The following NLRC5 variants were observed in gnomAD, a reference collection of about 807,000 sequenced individuals.
NLRC5 encodes the protein protein NLRC5.
NLRC5 carries 114 observed loss-of-function variants against 206.9 expected under a neutral mutation model. The ratio of observed to expected loss-of-function variants is 0.55; its 90% confidence interval spans 0.47 to 0.64. The LOEUF (loss-of-function observed/expected upper bound fraction) is 0.64. Among genes scored for constraint, NLRC5 ranks in the 30% least tolerant of loss-of-function variants. The pLI is 0.00. For missense variants in NLRC5, 2,008 were observed against 2,305.5 expected (o/e 0.87, Z 2.64); for synonymous variants, 952 against 962.8 (o/e 0.99, Z 0.21).
intron 32 of NLRC5, among the ~76,000 whole-genome samples, chr16:57,063,488 A>G (rs561451282): frequency 5.6e-4 from 86 of 152,244 alleles, no homozygotes; most frequent in African/African-American, 2.0e-3. Flanking sequence ...CTTATCCATC[A>G]ATTGACACTT....
chr16:57,037,322 C>T (rs199939331), intron 15 of NLRC5, 38 bp downstream of exon 15: 9 of 1,544,378 alleles, frequency 5.8e-6, no homozygotes, highest in African/African-American at 2.8e-5. Flanking sequence ...CATCCCCCCC[C>T]CCATCATGCT....
intron 1 of NLRC5, chr16:57,014,036 A>AAG (rs2059768859): frequency 3.1e-6 from 1 of 319,926 alleles, no homozygotes; most frequent in Non-Finnish European, 6.0e-6. Context: ...CTTTTCTTCT[A>AAG]AGCCTTCTTT....
Position 57,051,618 on chromosome 16 carries a change from T to C in NLRC5, c.3503T>C (p.Leu1168Pro). 1 of 1,613,130 alleles carries C rather than the reference T, an allele frequency of 6.2e-7. No homozygotes were observed. The highest frequency in any genetic ancestry group is 1.6e-4 in the Middle Eastern group (1 of 6,062). ...CLPQLPQLSL[L>P]QLSQTGLSPK... Reference sequence around the variant, plus strand: ...CCTCAACTCCCTCAGCTGAGCCTGCTGCAGTAAGACGAGAGTTTTTCCTAT... The same window carrying C: ...CCTCAACTCCCTCAGCTGAGCCTGCCGCAGTAAGACGAGAGTTTTTCCTAT... Residue 1168 changes from leucine (L) to proline (P), a missense_variant, in exon 24 of 49, where the codon CTG (leucine) becomes CCG (proline). By Grantham distance (98) the Leu-to-Pro change is moderately conservative. Coordinates refer to ENST00000688547, the MANE Select transcript of NLRC5 (RefSeq NM_001384950.1).
intron 15 of NLRC5, 30 bp downstream of exon 15, chr16:57,037,314 T>TCCC: frequency 6.6e-7 from 1 of 1,522,638 alleles, no homozygotes. Context: ...ACGGTACCCA[T>TCCC]CCCCCCCCCC....
At chr16:57,024,453 A>G (rs929975284) in intron 5 of NLRC5, among the ~76,000 whole-genome samples, 1 of 152,176 alleles carries the variant, frequency 6.6e-6, no homozygotes, top group African/African-American at 2.4e-5. Context: ...CATCCGCTCA[A>G]AATAGTTCAC....
intron 16 of NLRC5, among the ~76,000 whole-genome samples, chr16:57,040,381 T>A (rs1555527124): frequency 6.6e-6 from 1 of 152,124 alleles, no homozygotes; most frequent in Non-Finnish European, 1.5e-5. Flanking sequence ...GAGGATGAGA[T>A]TAATGATAAT....
intron 23 of NLRC5, among the ~76,000 whole-genome samples, chr16:57,051,331 T>G (rs113408453): frequency 1.2e-4 from 18 of 152,304 alleles, no homozygotes; most frequent in Non-Finnish European, 2.6e-4. Context: ...ACAAAACCAT[T>G]TAATTTGGCT....
In NLRC5 at chr16:57,058,959, A is replaced by G. The variant is rs768643922; in HGVS notation, c.3831-13A>G. 6.2e-7 allele frequency: 1 copy of G among 1,613,094 alleles called. No homozygotes were observed. Among genetic ancestry groups the G allele is most frequent in the South Asian group, 1.1e-5 (1 of 91,064 alleles). On this transcript the variant is annotated splice_polypyrimidine_tract_variant and intron_variant, in intron 28 of 48. Transcript: ENST00000688547. ...TGCCCTCACTCCCATTCTCATCTCC[A>G]TTTCCCTTCTAGTCTGAGTCACAAC...
chr16:57,051,560 G>A lies in NLRC5; in HGVS notation c.3445G>A (p.Asp1149Asn), dbSNP rs1480927063. Reference protein sequence around the residue: ...ELQLSCEFLSDQSLETLLDCL... With the variant: ...ELQLSCEFLSNQSLETLLDCL... ...CAGATTGTCCTGTGAGTTCCTGAGT[G>A]ACCAGAGCCTGGAGACTCTACTGGA... Residue 1149 changes from aspartate (D) to asparagine (N), a missense_variant, in exon 24 of 49, where the codon GAC (aspartate) becomes AAC (asparagine). Physicochemically the swap from Asp to Asn is conservative, Grantham distance 23 (BLOSUM62 1). Transcript: ENST00000688547. The A allele has an allele frequency of 6.2e-7, 1 of 1,613,908 alleles. No individual in the cohort carries two copies. Among genetic ancestry groups the A allele is most frequent in the Non-Finnish European group, 8.5e-7 (1 of 1,179,798 alleles).
At chr16:57,041,606 GT>G in intron 18 of NLRC5, 32 bp downstream of exon 18, 1 of 1,577,252 alleles carries the variant, frequency 6.3e-7, no homozygotes, top group Non-Finnish European at 8.7e-7. Context: ...AGGTGGGTGG[GT>G]GGGGCCAATT....
chr16:57,032,713 C>T (rs1405936358), intron 11 of NLRC5, among the ~76,000 whole-genome samples: 1 of 151,394 alleles, frequency 6.6e-6, no homozygotes, highest in Non-Finnish European at 1.5e-5. Context: ...TTCTATTAAA[C>T]AGGCTGGCAT....
intron 1 of NLRC5, among the ~76,000 whole-genome samples, chr16:56,997,792 G>A (rs75305739): frequency 6.6e-6 from 1 of 152,018 alleles, no homozygotes; most frequent in Non-Finnish European, 1.5e-5. Context: ...TGTTGCCCAG[G>A]CTGGTCTCAA....
At chr16:57,030,732 C>T (rs1397866881) in intron 10 of NLRC5, among the ~76,000 whole-genome samples, 2 of 152,102 alleles carry the variant, frequency 1.3e-5, no homozygotes, top group African/African-American at 2.4e-5. Flanking sequence ...TGTGTGTTGC[C>T]CTCCATGGTG....
chr16:57,043,147 A>G (rs138357830), intron 19 of NLRC5, among the ~76,000 whole-genome samples: 1,913 of 152,232 alleles, frequency 0.013, 13 homozygotes, highest in Middle Eastern at 0.058. Flanking sequence ...TGCTTTCTGC[A>G]CAAGAGACCC....
In NLRC5 at chr16:57,061,523, G is replaced by A. The variant is rs143263791; in HGVS notation, c.4062G>A (p.Thr1354=). The part of the protein sequence containing the change: ...ATGLSKSLQL[T]ELTLTQCCLG... ...GCTTGAGCAAGTCCCTGCAGCTGAC[G>A]GAGCTCACGTGAGTGACCCACCCAG... Residue 1354 remains threonine, a synonymous_variant, in exon 31 of 49, where the codon ACG becomes ACA. Coordinates refer to ENST00000688547, the MANE Select transcript of NLRC5 (RefSeq NM_001384950.1). 4.8e-5 allele frequency: 77 copies of A among 1,609,972 alleles called. 2 individuals carry two copies. In the South Asian group the frequency reaches 5.5e-4, roughly 11 times the overall value.
chr16:57,066,252 G>A (rs1411805390), intron 33 of NLRC5, among the ~76,000 whole-genome samples: 1 of 151,902 alleles, frequency 6.6e-6, no homozygotes, highest in Non-Finnish European at 1.5e-5. Flanking sequence ...AGTGAGCTAT[G>A]ATCGTGCCCA....
At position 57,028,027 on chromosome 16, in the gene NLRC5, C is replaced by T. The variant is rs779919613; in HGVS notation, c.2076-45C>T. On this transcript the variant is annotated intron_variant, in intron 6 of 48. Transcript: ENST00000688547. ...AGGGGATGGCGATGACTTCTCAGCT[C>T]TGCCCAGCACTGATCCTCTGACACT... The T allele has an allele frequency of 1.1e-5, 15 of 1,423,980 alleles. No homozygotes were observed. In the South Asian group the frequency reaches 1.3e-4, roughly 13 times the overall value. The allele number at this position is 1,423,980 out of a possible 1,614,324, so 88.2% of individuals were successfully genotyped here.
At chr16:57,070,752 G>T in intron 38 of NLRC5, 134 bp downstream of exon 38, 1 of 721,768 alleles carries the variant, frequency 1.4e-6, no homozygotes, top group South Asian at 1.6e-5. Flanking sequence ...GGGGAATGGG[G>T]TGAGTGAGTG....
At chr16:57,013,593 G>T in intron 1 of NLRC5, 1 of 1,120,534 alleles carries the variant, frequency 8.9e-7, no homozygotes, top group Non-Finnish European at 1.4e-6. Flanking sequence ...TTCTCAACAA[G>T]TTGATTTTCA....
Sources: allele counts gnomAD v4.1 joint callset (sites outside exome capture counted in the v4.1 genomes callset), GRCh38; gene constraint gnomAD v4.1.1; transcripts MANE v1.5; gene names NCBI Gene and HGNC (gene_info 2026-07-23, HGNC 2026-07-21).